The following NDST4 variants were observed in gnomAD, a reference collection of about 807,000 sequenced individuals.
The protein encoded by NDST4 is N-heparan sulfate sulfotransferase 4.
A neutral mutation model predicts 100.8 loss-of-function variants in NDST4; 63 were observed. The observed-to-expected ratio is 0.62, with a 90% confidence interval of 0.51 to 0.77. NDST4 has a LOEUF of 0.77. Among genes scored for constraint, NDST4 ranks in the 30% least tolerant of loss-of-function variants. The pLI, the probability that NDST4 is intolerant of heterozygous loss-of-function variation, is 0.00. For synonymous variants in NDST4, 377 were observed against 361.8 expected (o/e 1.04, Z -0.48); for missense variants, 943 against 1,018.4 (o/e 0.93, Z 1.01).
chr4:114,856,209 T>G (rs1016165322), intron 7 of NDST4, among the ~76,000 whole-genome samples: 1 of 152,110 alleles, frequency 6.6e-6, no homozygotes, highest in Admixed American at 6.5e-5. Context: ...ACTACAGATG[T>G]GCACAACCAT....
At chr4:114,844,333 CA>C (rs1425649431) in intron 10 of NDST4, among the ~76,000 whole-genome samples, 1 of 152,186 alleles carries the variant, frequency 6.6e-6, no homozygotes, top group East Asian at 1.9e-4. Flanking sequence ...CAAAGGCTTT[CA>C]GTTGCTCAAC....
intron 2 of NDST4, among the ~76,000 whole-genome samples, chr4:115,063,923 C>T (rs966711796): frequency 1.3e-5 from 2 of 151,830 alleles, no homozygotes; most frequent in Non-Finnish European, 2.9e-5. Context: ...AAATGGAACT[C>T]ATGGACATTA....
chr4:115,007,053 T>G (rs2126258644), intron 2 of NDST4, among the ~76,000 whole-genome samples: 1 of 152,306 alleles, frequency 6.6e-6, no homozygotes, highest in Middle Eastern at 3.4e-3. Context: ...GCCTCAGGGC[T>G]TAATTCCCGT....
At chr4:115,021,330 A>T (rs1418501522) in intron 2 of NDST4, among the ~76,000 whole-genome samples, 2 of 151,244 alleles carry the variant, frequency 1.3e-5, no homozygotes, top group African/African-American at 4.9e-5. Flanking sequence ...CATATTCCAC[A>T]TATACATATT....
rs534183235 is a variant in NDST4, at chr4:114,956,760, T to A, written c.1221+13670A>T. ...AGGCTGCACACTTCAAGTGAAAGAG[T>A]CACTTAAATTATCCAGCCATTCCAT... On this transcript the variant is annotated intron_variant, in intron 4 of 13. Coordinates refer to ENST00000264363, the MANE Select transcript of NDST4 (RefSeq NM_022569.3). 3.0e-4 allele frequency among the ~76,000 whole-genome samples: 46 copies of A among 151,816 alleles called. No individual in the cohort carries two copies. In the East Asian group the frequency reaches 3.7e-3, roughly 12 times the overall value.
At chr4:114,987,115 C>T (rs564433879) in intron 2 of NDST4, among the ~76,000 whole-genome samples, 2 of 151,860 alleles carry the variant, frequency 1.3e-5, no homozygotes, top group South Asian at 4.1e-4. Context: ...TCATTTTAAC[C>T]TCAATGACTT....
At chr4:114,880,771 G>A (rs552578464) in intron 6 of NDST4, among the ~76,000 whole-genome samples, 2 of 152,290 alleles carry the variant, frequency 1.3e-5, no homozygotes, top group African/African-American at 2.4e-5. Flanking sequence ...GATACAATGT[G>A]AAATGGAAAT....
At chr4:115,081,912 C>A (rs541464350) in intron 1 of NDST4, among the ~76,000 whole-genome samples, 1 of 152,106 alleles carries the variant, frequency 6.6e-6, no homozygotes, top group Non-Finnish European at 1.5e-5. Context: ...ATTTTATTAA[C>A]CATCAAACCA....
chr4:114,935,890 G>T (rs1344017629), intron 5 of NDST4, among the ~76,000 whole-genome samples: 1 of 151,908 alleles, frequency 6.6e-6, no homozygotes, highest in Admixed American at 6.6e-5. Flanking sequence ...AAGTCTGAAT[G>T]TTTAATAAAG....
chr4:114,850,114 C>T (rs1407860281), intron 8 of NDST4, among the ~76,000 whole-genome samples: 1 of 151,950 alleles, frequency 6.6e-6, no homozygotes, highest in African/African-American at 2.4e-5. Context: ...ATTTGAGACA[C>T]ACAAAACACA....
At chr4:115,004,866 TA>T in intron 2 of NDST4, among the ~76,000 whole-genome samples, 1 of 152,268 alleles carries the variant, frequency 6.6e-6, no homozygotes, top group Non-Finnish European at 1.5e-5. Flanking sequence ...ACCACAAAAT[TA>T]AGTTTGTTAC....
chr4:114,881,049 A>T (rs1724356479), intron 6 of NDST4, among the ~76,000 whole-genome samples: 1 of 152,130 alleles, frequency 6.6e-6, no homozygotes, highest in Non-Finnish European at 1.5e-5. Flanking sequence ...AGACCAGCTC[A>T]TATAAATCTT....
chr4:114,944,957 C>A (rs1229239080), intron 4 of NDST4, among the ~76,000 whole-genome samples: 4 of 151,960 alleles, frequency 2.6e-5, no homozygotes, highest in Non-Finnish European at 5.9e-5. Flanking sequence ...TGCCTGTAAT[C>A]CCTGCACTTT....
In NDST4 at chr4:114,993,863, A is replaced by T. The variant is rs765404138; in HGVS notation, c.979-16589T>A. Reference sequence around the variant, plus strand: ...TGTTTTTATTCATGATTCATAAGTGATCACATACATTCCATATCTTCTCTA... The same window carrying T: ...TGTTTTTATTCATGATTCATAAGTGTTCACATACATTCCATATCTTCTCTA... On this transcript the variant is annotated intron_variant, in intron 2 of 13. Transcript: ENST00000264363. Among the ~76,000 whole-genome samples, 6 of 152,130 alleles carry T rather than the reference A, an allele frequency of 3.9e-5. 1 individual carries two copies. Among genetic ancestry groups the T allele is most frequent in the Non-Finnish European group, 8.8e-5 (6 of 67,902 alleles).
In NDST4 at chr4:115,019,831, A is replaced by C. The variant is rs76604959; in HGVS notation, c.979-42557T>G. 5.6e-3 allele frequency among the ~76,000 whole-genome samples: 846 copies of C among 152,238 alleles called. 10 individuals carry two copies. Among genetic ancestry groups the C allele is most frequent in the African/African-American group, 0.02 (812 of 41,564 alleles). ...AAGGATAAAGTTGGGCTAGCTTCCC[A>C]GTCTGTCTCACAAACTCAATTGTGC... On this transcript the variant is annotated intron_variant, in intron 2 of 13. Coordinates refer to ENST00000264363, the MANE Select transcript of NDST4 (RefSeq NM_022569.3).
intron 1 of NDST4, among the ~76,000 whole-genome samples, chr4:115,078,622 C>T (rs148032514): frequency 1.3e-5 from 2 of 152,022 alleles, no homozygotes; most frequent in East Asian, 1.9e-4. Flanking sequence ...GGGTGGATCA[C>T]GAGGTCAGGA....
intron 2 of NDST4, among the ~76,000 whole-genome samples, chr4:115,055,190 A>C (rs1027885680): frequency 1.3e-5 from 2 of 152,162 alleles, no homozygotes; most frequent in Admixed American, 6.6e-5. Flanking sequence ...TCCAGACAGG[A>C]CCATTTAGTT....
chr4:115,029,297 A>G (rs1454647471), intron 2 of NDST4, among the ~76,000 whole-genome samples: 1 of 152,104 alleles, frequency 6.6e-6, no homozygotes, highest in Non-Finnish European at 1.5e-5. Flanking sequence ...CGGTTGAAAA[A>G]TAGAGCAGCC....
Position 114,907,786 on chromosome 4 carries a change from G to A in NDST4, c.1536+27420C>T, listed in dbSNP as rs182654953. ...TACTTGAAATGAGTGTGGAAGAGGAGAAAGAAAAAAGAGGGCCAAAGAGAG... is the reference window on the plus strand; with the variant it reads ...TACTTGAAATGAGTGTGGAAGAGGAAAAAGAAAAAAGAGGGCCAAAGAGAG... On this transcript the variant is annotated intron_variant, in intron 6 of 13. Coordinates refer to ENST00000264363, the MANE Select transcript of NDST4 (RefSeq NM_022569.3). 6.8e-4 allele frequency among the ~76,000 whole-genome samples: 104 copies of A among 151,884 alleles called. 1 individual carries two copies. The highest frequency in any genetic ancestry group is 2.4e-3 in the African/African-American group (100 of 41,454).
Sources: gnomAD v4.1 joint callset for allele counts (sites outside exome capture counted in the v4.1 genomes callset) on GRCh38, gnomAD v4.1.1 for gene constraint, MANE v1.5 for transcripts, NCBI Gene and HGNC (gene_info 2026-07-23, HGNC 2026-07-21) for gene names.